Variants in SHISA6 observed in about 807,000 individuals in gnomAD.
The protein encoded by SHISA6 is protein shisa-6.
Under a neutral mutation model 47.9 loss-of-function variants are expected in SHISA6, and 22 were observed. The observed-to-expected ratio is 0.46, with a 90% CI of 0.33 to 0.66. The LOEUF (loss-of-function observed/expected upper bound fraction) is 0.66, where lower values mean the gene tolerates loss of function less well. Among genes scored for constraint, SHISA6 ranks in the 30% least tolerant of loss-of-function variants. The pLI is 0.02. For synonymous variants in SHISA6, 388 were observed against 337.8 expected (o/e 1.15, Z -1.63); for missense variants, 680 against 764.6 (o/e 0.89, Z 1.30).
intron 2 of SHISA6, among the ~76,000 whole-genome samples, chr17:11,378,469 T>C (rs766882472): frequency 3.9e-5 from 6 of 152,228 alleles, no homozygotes; most frequent in Non-Finnish European, 2.9e-5. Flanking sequence ...GTTATAGTTA[T>C]ACATACGATT....
chr17:11,273,959 G>C (rs79977214), intron 2 of SHISA6, among the ~76,000 whole-genome samples: 1 of 152,220 alleles, frequency 6.6e-6, no homozygotes, highest in Admixed American at 6.5e-5. Flanking sequence ...AAGCACCTGT[G>C]TTCTTCTCCT....
rs913231785 is a variant in SHISA6 at position 11,307,395 on chromosome 17, T to C, written c.799+43869T>C. 4.6e-5 allele frequency among the ~76,000 whole-genome samples: 7 copies of C among 152,336 alleles called. 1 individual carries two copies. In the East Asian group the frequency reaches 1.4e-3, roughly 29 times the overall value. On this transcript the variant is annotated intron_variant, in intron 2 of 5. Coordinates refer to ENST00000441885, the MANE Select transcript of SHISA6 (RefSeq NM_207386.4). ...TTCGCCTGCCTTCATTAAGTCATTG[T>C]CCGTGTCTGCATAGCCAAAGCTGGG...
At chr17:11,451,193 C>T (rs1915391782) in intron 3 of SHISA6, among the ~76,000 whole-genome samples, 1 of 151,998 alleles carries the variant, frequency 6.6e-6, no homozygotes, top group Non-Finnish European at 1.5e-5. Context: ...ACCCACAGCC[C>T]CTGCTCCCAT....
chr17:11,367,840 T>A (rs187600456), intron 2 of SHISA6, among the ~76,000 whole-genome samples: 70 of 152,220 alleles, frequency 4.6e-4, no homozygotes, highest in Non-Finnish European at 9.3e-4. Flanking sequence ...GGCATTACAG[T>A]CTGAAAAATA....
intron 2 of SHISA6, among the ~76,000 whole-genome samples, chr17:11,331,113 C>T (rs1296975728): frequency 1.1e-4 from 17 of 152,188 alleles, no homozygotes; most frequent in Non-Finnish European, 1.6e-4. Flanking sequence ...TGCGCAGTAA[C>T]TCTCCCAGGG....
chr17:11,489,324 A>AT (rs892641409), intron 3 of SHISA6, among the ~76,000 whole-genome samples: 6 of 151,568 alleles, frequency 4.0e-5, no homozygotes, highest in Non-Finnish European at 7.4e-5. Flanking sequence ...CCTTTTATCT[A>AT]TTTTTTGCAA....
At chr17:11,320,815 T>G (rs747689876) in intron 2 of SHISA6, among the ~76,000 whole-genome samples, 1 of 152,196 alleles carries the variant, frequency 6.6e-6, no homozygotes, top group African/African-American at 2.4e-5. Flanking sequence ...TAATAATGCC[T>G]TCAGGAGGCA....
At chr17:11,496,712 C>T (rs938113278) in intron 3 of SHISA6, among the ~76,000 whole-genome samples, 1 of 149,938 alleles carries the variant, frequency 6.7e-6, no homozygotes, top group East Asian at 2.0e-4. Context: ...GCAATCTAGC[C>T]CAGGTGACAG....
At chr17:11,487,632 G>A (rs1916385090) in intron 3 of SHISA6, among the ~76,000 whole-genome samples, 2 of 152,210 alleles carry the variant, frequency 1.3e-5, no homozygotes, top group Admixed American at 1.3e-4. Context: ...ATTAGCCTCA[G>A]CTAAAGTGTA....
intron 1 of SHISA6, among the ~76,000 whole-genome samples, chr17:11,249,318 G>A (rs969612091): frequency 2.6e-5 from 4 of 151,738 alleles, no homozygotes; most frequent in African/African-American, 4.8e-5. Flanking sequence ...GTGTGTGGAC[G>A]TGTGTGTGCG....
At position 11,350,185 on chromosome 17, in the gene SHISA6, T is replaced by TATTTATTTATTTA. The variant is rs770023770; in HGVS notation, c.800-29229_800-29228insATTTATTTATTTA. Among the ~76,000 whole-genome samples, 369 of 118,440 alleles carry TATTTATTTATTTA rather than the reference T, an allele frequency of 3.1e-3. 6 individuals carry two copies. The highest frequency in any genetic ancestry group is 0.017 in the Admixed American group (198 of 11,546). 77.7% of individuals were successfully genotyped at this position (118,440 alleles called of 152,430 possible). ...TTATTTATTTATTTATTTATTTATT[T>TATTTATTTATTTA]TTTTTTTTTTTTGAGACGGAGTCTC... On this transcript the variant is annotated intron_variant, in intron 2 of 5. Coordinates refer to ENST00000441885, the MANE Select transcript of SHISA6 (RefSeq NM_207386.4).
intron 3 of SHISA6, among the ~76,000 whole-genome samples, chr17:11,391,719 C>CA (rs1913392335): frequency 6.6e-6 from 1 of 152,152 alleles, no homozygotes. Flanking sequence ...TTGCAGGCCT[C>CA]AGTTTCCTCA....
At chr17:11,249,489 T>C (rs1036494843) in intron 1 of SHISA6, among the ~76,000 whole-genome samples, 1 of 152,162 alleles carries the variant, frequency 6.6e-6, no homozygotes, top group Admixed American at 6.5e-5. Context: ...AATCTGGGCT[T>C]AATCATTATG....
intron 3 of SHISA6, among the ~76,000 whole-genome samples, chr17:11,537,151 A>G (rs1377672604): frequency 6.6e-6 from 1 of 151,360 alleles, no homozygotes; most frequent in Non-Finnish European, 1.5e-5. Flanking sequence ...AGGGAAGCAG[A>G]GCAGGCTCAC....
intron 3 of SHISA6, among the ~76,000 whole-genome samples, chr17:11,417,072 T>C (rs1429293013): frequency 6.6e-6 from 1 of 152,104 alleles, no homozygotes; most frequent in East Asian, 1.9e-4. Flanking sequence ...AAAACAGATA[T>C]GACTGGCAAG....
In SHISA6 at chr17:11,352,883, G is replaced by A. The variant is rs538005936; in HGVS notation, c.800-26531G>A. On this transcript the variant is annotated intron_variant, in intron 2 of 5. Coordinates refer to ENST00000441885, the MANE Select transcript of SHISA6 (RefSeq NM_207386.4). ...CAACCAATACTAACTATTTGGGGGA[G>A]AAACAAATTCCATATATTTGCATTC... is the stretch of plus-strand genomic sequence containing the variant. 3.9e-5 allele frequency among the ~76,000 whole-genome samples: 6 copies of A among 152,258 alleles called. No individual in the cohort carries two copies. In the East Asian group the frequency reaches 7.7e-4, roughly 20 times the overall value.
chr17:11,403,164 C>T (rs554875542), intron 3 of SHISA6, among the ~76,000 whole-genome samples: 1 of 152,276 alleles, frequency 6.6e-6, no homozygotes, highest in Non-Finnish European at 1.5e-5. Context: ...TTTAATTTCC[C>T]CTTACTTTAG....
At chr17:11,463,153 G>A (rs1178460176) in intron 3 of SHISA6, among the ~76,000 whole-genome samples, 2 of 152,080 alleles carry the variant, frequency 1.3e-5, no homozygotes, top group Non-Finnish European at 2.9e-5. Flanking sequence ...AGGAAAACTC[G>A]GGACCCTCAA....
intron 3 of SHISA6, among the ~76,000 whole-genome samples, chr17:11,538,346 C>G (rs1443304071): frequency 6.6e-6 from 1 of 152,160 alleles, no homozygotes; most frequent in African/African-American, 2.4e-5. Context: ...CAGGTGTGAG[C>G]CACCACATCC....
Sources: allele counts gnomAD v4.1 joint callset (sites outside exome capture counted in the v4.1 genomes callset), GRCh38; gene constraint gnomAD v4.1.1; transcripts MANE v1.5; gene names NCBI Gene and HGNC (gene_info 2026-07-23, HGNC 2026-07-21).